The following HECW2 variants were observed in gnomAD, a reference collection of about 807,000 sequenced individuals.
HECW2 encodes HECT, C2 and WW domain containing E3 ubiquitin protein ligase 2.
HECW2 carries 61 observed loss-of-function variants against 175.2 expected under a neutral mutation model. The ratio of observed to expected loss-of-function variants is 0.35; its 90% CI spans 0.28 to 0.43. HECW2 has a LOEUF of 0.43. HECW2 is among the 20% of genes least tolerant of loss of function. The probability of loss-of-function intolerance (pLI) is 1.00; values close to 1 mark genes in which losing one functional copy is unlikely to be tolerated. For synonymous variants in HECW2, 671 were observed against 731.0 expected (o/e 0.92, Z 1.32); for missense variants, 1,524 against 2,000.5 (o/e 0.76, Z 4.54).
chr2:196,221,054 C>T (rs1687647994), intron 24 of HECW2, 113 bp from the exon 25 acceptor site: 1 of 1,130,340 alleles, frequency 8.8e-7, no homozygotes, highest in African/African-American at 1.6e-5. Context: ...CTGCCCTAGG[C>T]ACATCCCACA....
At chr2:196,479,638 G>T (rs1028470572) in intron 1 of HECW2, among the ~76,000 whole-genome samples, 1 of 152,166 alleles carries the variant, frequency 6.6e-6, no homozygotes, top group African/African-American at 2.4e-5. Context: ...ATTACACTGT[G>T]TTAACACAGT....
intron 2 of HECW2, among the ~76,000 whole-genome samples, chr2:196,371,148 C>T (rs1255657298): frequency 6.6e-6 from 1 of 152,166 alleles, no homozygotes; most frequent in African/African-American, 2.4e-5. Flanking sequence ...GTTACCTCAG[C>T]TAATTCTGAT....
At chr2:196,417,868 T>C (rs544766840) in intron 2 of HECW2, among the ~76,000 whole-genome samples, 2 of 152,282 alleles carry the variant, frequency 1.3e-5, no homozygotes, top group African/African-American at 4.8e-5. Flanking sequence ...CTTTTCATGG[T>C]GAATGCTTTA....
chr2:196,324,131 G>A (rs1158487713), intron 6 of HECW2, among the ~76,000 whole-genome samples: 1 of 151,864 alleles, frequency 6.6e-6, no homozygotes, highest in African/African-American at 2.4e-5. Context: ...CTACAATATT[G>A]TTAGAACATA....
chr2:196,379,429 T>C (rs1029670784), intron 2 of HECW2, among the ~76,000 whole-genome samples: 2 of 152,198 alleles, frequency 1.3e-5, no homozygotes, highest in Non-Finnish European at 2.9e-5. Flanking sequence ...CTCATGCCTG[T>C]AATCCCAGCA....
intron 2 of HECW2, among the ~76,000 whole-genome samples, chr2:196,429,242 G>GA (rs1038478572): frequency 6.6e-6 from 1 of 151,260 alleles, no homozygotes; most frequent in Admixed American, 6.6e-5. Context: ...CCTGAGCCTG[G>GA]GGGGGGCCTA....
chr2:196,471,291 G>A (rs575403208), intron 1 of HECW2, among the ~76,000 whole-genome samples: 1 of 152,210 alleles, frequency 6.6e-6, no homozygotes, highest in South Asian at 2.1e-4. Context: ...AGTCAGAATG[G>A]CTATTATTAA....
chr2:196,339,762 C>T (rs1692679185), intron 3 of HECW2, among the ~76,000 whole-genome samples: 1 of 152,256 alleles, frequency 6.6e-6, no homozygotes. Context: ...GCATACTGCA[C>T]AAATGACCCA....
chr2:196,522,331 T>C (rs1482325141), intron 1 of HECW2, among the ~76,000 whole-genome samples: 1 of 152,196 alleles, frequency 6.6e-6, no homozygotes, highest in Admixed American at 6.6e-5. Context: ...ATGGGGTTGT[T>C]TTTTTCTTGT....
chr2:196,463,604 CATT>C (rs1183387663), intron 1 of HECW2, among the ~76,000 whole-genome samples: 2 of 152,092 alleles, frequency 1.3e-5, no homozygotes, highest in Admixed American at 6.5e-5. Flanking sequence ...ATTTTTTCAT[CATT>C]GTTTTAAACT....
At chr2:196,285,725 G>A (rs998542569) in intron 14 of HECW2, among the ~76,000 whole-genome samples, 3 of 152,178 alleles carry the variant, frequency 2.0e-5, no homozygotes, top group African/African-American at 7.2e-5. Context: ...GATGAAAAGG[G>A]CTGAATGATA....
chr2:196,295,866 A>G (rs188971316), intron 13 of HECW2, among the ~76,000 whole-genome samples: 4 of 152,280 alleles, frequency 2.6e-5, no homozygotes, highest in Admixed American at 2.6e-4. Context: ...TCTCCACTCA[A>G]TGAAACATGT....
chr2:196,582,991 C>G (rs1690847591), intron 1 of HECW2, among the ~76,000 whole-genome samples: 1 of 152,150 alleles, frequency 6.6e-6, no homozygotes, highest in Non-Finnish European at 1.5e-5. Flanking sequence ...CACAACACAT[C>G]CAGCTGGTTT....
chr2:196,445,914 G>A (rs1450237104), intron 1 of HECW2, among the ~76,000 whole-genome samples: 3 of 152,170 alleles, frequency 2.0e-5, no homozygotes, highest in Non-Finnish European at 4.4e-5. Context: ...TCCTCTGAAT[G>A]AACAGCCTCC....
intron 2 of HECW2, among the ~76,000 whole-genome samples, chr2:196,372,396 C>T (rs556381097): frequency 8.5e-5 from 13 of 152,316 alleles, no homozygotes; most frequent in Non-Finnish European, 1.3e-4. Context: ...ATATTCTTTA[C>T]GGTATCTGCT....
chr2:196,252,407 C>T (rs536243349), intron 19 of HECW2, among the ~76,000 whole-genome samples: 1 of 152,064 alleles, frequency 6.6e-6, no homozygotes, highest in African/African-American at 2.4e-5. Context: ...TAAATATAAT[C>T]CCCAGTGTCA....
chr2:196,218,674 A>C (rs2105810371), intron 26 of HECW2, among the ~76,000 whole-genome samples: 1 of 152,134 alleles, frequency 6.6e-6, no homozygotes, highest in East Asian at 1.9e-4. Flanking sequence ...TTAGCCAGGT[A>C]TGGTGGCATA....
chr2:196,254,214 GT>G (rs1446178672), intron 18 of HECW2, among the ~76,000 whole-genome samples, 185 bp from the exon 19 acceptor site: 1 of 152,248 alleles, frequency 6.6e-6, no homozygotes, highest in African/African-American at 2.4e-5. Flanking sequence ...TGTGAACCCT[GT>G]GGCTATTTCC....
intron 2 of HECW2, among the ~76,000 whole-genome samples, chr2:196,395,120 C>T (rs1208963205): frequency 2.6e-5 from 4 of 152,112 alleles, no homozygotes; most frequent in Non-Finnish European, 5.9e-5. Flanking sequence ...ACTATCATCA[C>T]CTTGGGGGTA....
Sources: allele counts gnomAD v4.1 joint callset (sites outside exome capture counted in the v4.1 genomes callset), GRCh38; gene constraint gnomAD v4.1.1; transcripts MANE v1.5; gene names NCBI Gene and HGNC (gene_info 2026-07-23, HGNC 2026-07-21).